The following ZFYVE16 variants were observed in gnomAD, a reference collection of about 807,000 sequenced individuals.
The protein encoded by ZFYVE16 is zinc finger FYVE-type containing 16.
ZFYVE16 carries 89 observed loss-of-function variants against 138.1 expected under a neutral mutation model. The ratio of observed to expected loss-of-function variants is 0.64; its 90% confidence interval spans 0.54 to 0.77. The LOEUF (loss-of-function observed/expected upper bound fraction) is 0.77. ZFYVE16 is among the 30% of genes least tolerant of loss of function. The probability of loss-of-function intolerance (pLI) is 0.00; values close to 1 mark genes in which losing one functional copy is unlikely to be tolerated. For missense variants in ZFYVE16, 1,793 were observed against 1,786.7 expected (o/e 1.00, Z -0.06); for synonymous variants, 596 against 618.3 (o/e 0.96, Z 0.53).
At position 80,408,145 on chromosome 5, in the gene ZFYVE16, T is replaced by G. The variant is rs1196451736; in HGVS notation, c.-102T>G. ...AGTTCCCAAAAAGCTCCGCAGGGGC[T>G]GTAGGGAGGTAAGAGCCCCCCGTGA... On this transcript the variant is annotated 5_prime_UTR_variant, in exon 1 of 19. Transcript: ENST00000505560. The G allele has an allele frequency of 6.6e-6, 1 of 152,262 alleles. No individual in the cohort carries two copies. Among genetic ancestry groups the G allele is most frequent in the African/African-American group, 2.4e-5 (1 of 41,458 alleles). 9.4% of individuals were successfully genotyped at this position (152,262 alleles called of 1,614,324 possible).
rs1327173079 is a variant in ZFYVE16, at chr5:80,470,099, G to GTGTGTGTGTGTGTA, written c.4025-2661_4025-2660insGTGTGTGTGTGTAT. Among the ~76,000 whole-genome samples the GTGTGTGTGTGTGTA allele has an allele frequency of 5.6e-4, 68 of 121,166 alleles. 1 individual carries two copies. Among genetic ancestry groups the GTGTGTGTGTGTGTA allele is most frequent in the African/African-American group, 2.2e-3 (66 of 29,476 alleles). 79.5% of individuals were successfully genotyped at this position (121,166 alleles called of 152,430 possible). A position where few individuals can be genotyped will look rare whatever the true frequency, so the allele number is the denominator to read the frequency against. ...TGTGTGTGTGTGTGTGTGTGTGTGT[G>GTGTGTGTGTGTGTA]TATTTTTTTTTTTTTTTTTTGAGAC... On this transcript the variant is annotated intron_variant, in intron 15 of 18. Transcript: ENST00000505560.
intron 2 of ZFYVE16, among the ~76,000 whole-genome samples, chr5:80,428,626 GAGA>G (rs1230308398): frequency 1.3e-5 from 2 of 152,216 alleles, no homozygotes; most frequent in African/African-American, 4.8e-5. Context: ...GATGAGTTGA[GAGA>G]AGAAGGCTTC....
chr5:80,418,467 C>T (rs559784367), intron 1 of ZFYVE16, among the ~76,000 whole-genome samples: 1 of 151,906 alleles, frequency 6.6e-6, no homozygotes, highest in African/African-American at 2.4e-5. Flanking sequence ...TATGCACCCC[C>T]ACACCTAACT....
rs141467927 is a variant in ZFYVE16 at position 80,438,907 on chromosome 5, A to G, written c.2222A>G (p.Gln741Arg). 329 of 1,614,134 alleles carry G rather than the reference A, an allele frequency of 2.0e-4. No individual in the cohort carries two copies. The East Asian group carries it at 6.1e-3, about 30-fold the overall frequency. ...GAAGGCTTGGTTTTGGGCCAGAAAC[A>G]GCCTACTTGGGTTCCTGATTCAGAA... is the stretch of plus-strand genomic sequence containing the variant. ...CKEGLVLGQK[Q>R]PTWVPDSEAP... The change falls in exon 4 of 19, where the codon CAG (glutamine) becomes CGG (arginine). Residue 741 changes from glutamine (Q) to arginine (R), a missense_variant. Around this residue, in one of 2 missense-constraint regions of ZFYVE16, gnomAD observed 1,295 missense variants for 1,204.3 expected, o/e 1.08. Coordinates refer to ENST00000505560, the MANE Select transcript of ZFYVE16 (RefSeq NM_001284236.3).
In ZFYVE16 at chr5:80,438,909, C is replaced by G. The variant is rs1750333537; in HGVS notation, c.2224C>G (p.Pro742Ala). The G allele has an allele frequency of 6.2e-7, 1 of 1,613,952 alleles. No individual in the cohort carries two copies. The highest frequency in any genetic ancestry group is 1.3e-5 in the African/African-American group (1 of 74,918). The stretch of plus-strand genomic sequence containing the variant: ...AGGCTTGGTTTTGGGCCAGAAACAG[C>G]CTACTTGGGTTCCTGATTCAGAAGC... The part of the protein sequence containing the change: ...KEGLVLGQKQ[P>A]TWVPDSEAPN... The change falls in exon 4 of 19, where the codon CCT (proline) becomes GCT (alanine). Residue 742 changes from proline to alanine, a missense_variant. By Grantham distance (27) the Pro-to-Ala change is conservative. Coordinates refer to ENST00000505560, the MANE Select transcript of ZFYVE16 (RefSeq NM_001284236.3).
chr5:80,441,425 A>G, intron 5 of ZFYVE16: 1 of 985,370 alleles, frequency 1.0e-6, no homozygotes, highest in Non-Finnish European at 1.2e-6. Context: ...TTGATGTCTT[A>G]TAGCATATAG....
At chr5:80,430,622 A>G (rs1748856450) in intron 2 of ZFYVE16, among the ~76,000 whole-genome samples, 1 of 152,076 alleles carries the variant, frequency 6.6e-6, no homozygotes, top group Non-Finnish European at 1.5e-5. Flanking sequence ...GACACAAAAA[A>G]CCCTTCAAAA....
chr5:80,420,994 G>C (rs993236244), intron 1 of ZFYVE16, among the ~76,000 whole-genome samples: 12 of 152,220 alleles, frequency 7.9e-5, no homozygotes, highest in African/African-American at 2.9e-4. Context: ...CATTCTAACT[G>C]GTGTGAGACG....
At chr5:80,427,036 T>C (rs1748180696) in intron 1 of ZFYVE16, among the ~76,000 whole-genome samples, 2 of 151,684 alleles carry the variant, frequency 1.3e-5, no homozygotes, top group South Asian at 4.2e-4. Flanking sequence ...ATTGGCCATA[T>C]AAATGTCTTT....
chr5:80,466,611 C>T (rs751792644), intron 15 of ZFYVE16, among the ~76,000 whole-genome samples: 2 of 152,090 alleles, frequency 1.3e-5, no homozygotes, highest in African/African-American at 4.8e-5. Flanking sequence ...AGGGACAGTC[C>T]CTGTTACTTG....
rs886313869 is a variant in ZFYVE16, at chr5:80,479,348, T to C, written c.*1971T>C. The C allele has an allele frequency of 1.6e-4, 24 of 152,334 alleles. No individual in the cohort carries two copies. The highest frequency in any genetic ancestry group is 5.8e-4 in the East Asian group (3 of 5,188). 9.4% of individuals were successfully genotyped at this position (152,334 alleles called of 1,614,324 possible). ...TGAAGTAAAATCTAGCCCATTTGTT[T>C]TATGCAGCTATTCAACAAACTTTGT... On this transcript the variant is annotated 3_prime_UTR_variant, in exon 19 of 19. Transcript: ENST00000505560.
intron 2 of ZFYVE16, 132 bp from the exon 3 acceptor site, chr5:80,433,976 TA>T: frequency 1.8e-6 from 1 of 569,892 alleles, no homozygotes; most frequent in Non-Finnish European, 3.0e-6. Context: ...AACTAAATTG[TA>T]TATTCCTTAA....
chr5:80,472,930 A>T lies in ZFYVE16; in HGVS notation c.4187+7A>T. On this transcript the variant is annotated splice_region_variant and intron_variant, in intron 16 of 18. Coordinates refer to ENST00000505560, the MANE Select transcript of ZFYVE16 (RefSeq NM_001284236.3). ...AAGAAAAAGGAAACAAAGGGTAGGA[A>T]TTTTTTTATTCTAAAATATAATTGA... is the stretch of plus-strand genomic sequence containing the variant. 1.9e-6 allele frequency: 3 copies of T among 1,580,286 alleles called. No individual in the cohort carries two copies. Among genetic ancestry groups the T allele is most frequent in the Non-Finnish European group, 1.7e-6 (2 of 1,164,694 alleles).
rs1377174784 is a variant in ZFYVE16 at position 80,455,224 on chromosome 5, T to TA, written c.3608-467dup. 2.3e-5 allele frequency: 4 copies of TA among 176,594 alleles called. No individual in the cohort carries two copies. The South Asian group carries it at 3.8e-4, about 17-fold the overall frequency. The allele number at this position is 176,594 out of a possible 1,614,324, so 10.9% of individuals were successfully genotyped here. The stretch of plus-strand genomic sequence containing the variant: ...ATGTAGCATCTAGTAGATACATAGA[T>TA]ACACAGTAAGTGTTAATATTGTCTC... On this transcript the variant is annotated intron_variant, in intron 11 of 18. Transcript: ENST00000505560.
At chr5:80,450,635 G>A in intron 10 of ZFYVE16, 49 bp downstream of exon 10, 1 of 1,560,998 alleles carries the variant, frequency 6.4e-7, no homozygotes, top group Non-Finnish European at 8.7e-7. Flanking sequence ...GGATAAATTA[G>A]TTAAAGGCAT....
intron 1 of ZFYVE16, among the ~76,000 whole-genome samples, chr5:80,414,407 C>T (rs1745905896): frequency 6.6e-6 from 1 of 152,104 alleles, no homozygotes; most frequent in African/African-American, 2.4e-5. Flanking sequence ...TCTTGGATTT[C>T]AGGTTTTCCT....
At chr5:80,473,677 A>T in intron 16 of ZFYVE16, 77 bp from the exon 17 acceptor site, 1 of 1,039,142 alleles carries the variant, frequency 9.6e-7, no homozygotes, top group Non-Finnish European at 1.4e-6. Flanking sequence ...CCCTCATTCC[A>T]TTTGTTCAAA....
chr5:80,411,134 A>ATTTTTTTTTTTTTTTTTTTT (rs58086060), intron 1 of ZFYVE16, among the ~76,000 whole-genome samples: 2 of 95,244 alleles, frequency 2.1e-5, no homozygotes, highest in Non-Finnish European at 3.9e-5. Flanking sequence ...CGCCCAGCTA[A>ATTTTTTTTTTTTTTTTTTTT]TTTTTTTTTT....
chr5:80,448,252 T>G lies in ZFYVE16; in HGVS notation c.2951T>G (p.Val984Gly), dbSNP rs1190216365. 1 of 1,613,830 alleles carries G rather than the reference T, an allele frequency of 6.2e-7. No individual in the cohort carries two copies. Among genetic ancestry groups the G allele is most frequent in the Admixed American group, 1.7e-5 (1 of 60,014 alleles). ...GAAGAACCATCTAGTCCTACTGGTG[T>G]CTTAGTTAACAGCAATTTACCTATT... ...ETEEPSSPTG[V>G]LVNSNLPIAS... Residue 984 changes from valine to glycine, a missense_variant, in exon 8 of 19, where the codon GTC becomes GGC. Physicochemically the swap from Val to Gly is moderately radical, Grantham distance 109. This residue lies in a region of ZFYVE16 where 1,295 missense variants were observed against 1,204.3 expected (regional missense o/e 1.08). Transcript: ENST00000505560.
Sources: allele counts gnomAD v4.1 joint callset (sites outside exome capture counted in the v4.1 genomes callset), GRCh38; gene constraint gnomAD v4.1.1; regional missense constraint gnomAD v4.1.1; transcripts MANE v1.5; gene names NCBI Gene and HGNC (gene_info 2026-07-23, HGNC 2026-07-21).